Variants in FNBP1 observed in about 807,000 individuals in gnomAD.
FNBP1 encodes the protein formin binding protein 1.
In FNBP1, 26 loss-of-function variants were observed where a neutral mutation model predicts 90.6. The ratio of observed to expected loss-of-function variants is 0.29; its 90% CI spans 0.21 to 0.40. The LOEUF is 0.40. Among genes scored for constraint, FNBP1 ranks in the 10% least tolerant of loss-of-function variants. The pLI is 1.00. For synonymous variants in FNBP1, 260 were observed against 265.2 expected, an observed-to-expected ratio of 0.98 and a Z score of 0.19; for missense variants, 635 against 768.0, an observed-to-expected ratio of 0.83 and a Z score of 2.05.
At position 129,940,455 on chromosome 9, in the gene FNBP1, AC is replaced by A. The variant is rs143368170; in HGVS notation, c.514-10761del. Among the ~76,000 whole-genome samples, 631 of 152,292 alleles carry A rather than the reference AC, an allele frequency of 4.1e-3. 5 individuals are homozygous for A. Among genetic ancestry groups the A allele is most frequent in the African/African-American group, 0.015 (614 of 41,544 alleles). On this transcript the variant is annotated intron_variant, in intron 6 of 16. Transcript: ENST00000446176. Reference sequence around the variant, plus strand: ...ACTTCATGAAGTAGCTGACAAAGTTACATCATATGTAATATATAGGAAATGA... The same window carrying A: ...ACTTCATGAAGTAGCTGACAAAGTTAATCATATGTAATATATAGGAAATGA...
At chr9:129,941,217 T>A (rs2044277250) in intron 6 of FNBP1, among the ~76,000 whole-genome samples, 1 of 151,542 alleles carries the variant, frequency 6.6e-6, no homozygotes, top group Non-Finnish European at 1.5e-5. Context: ...GGTGAAACCC[T>A]GCTTCTACTA....
rs2035413759 is a variant in FNBP1 at position 129,894,134 on chromosome 9, T to TG, written c.1846+1703dup. Among the ~76,000 whole-genome samples, 3 of 151,882 alleles carry TG rather than the reference T, an allele frequency of 2.0e-5. No individual in the cohort carries two copies. The South Asian group carries it at 6.2e-4, about 32-fold the overall frequency. On this transcript the variant is annotated intron_variant, in intron 16 of 16. Transcript: ENST00000446176. ...GGCAGGCAGGGGCTAATTTCCTACT[T>TG]GAAAGTAGGAAGGACACAAGGAAAT...
intron 3 of FNBP1, 144 bp from the exon 4 acceptor site, chr9:129,978,756 T>G (rs2050736525): frequency 2.6e-6 from 2 of 771,818 alleles, no homozygotes; most frequent in Non-Finnish European, 4.0e-6. Context: ...ACACATCAAG[T>G]GTTCTCAACA....
chr9:129,974,571 A>G (rs2050013359), intron 4 of FNBP1, among the ~76,000 whole-genome samples: 1 of 152,242 alleles, frequency 6.6e-6, no homozygotes, highest in South Asian at 2.1e-4. Flanking sequence ...AGAGAAAAGA[A>G]AAAACAGGCC....
intron 1 of FNBP1, among the ~76,000 whole-genome samples, chr9:130,017,218 A>C (rs1248537341): frequency 6.6e-6 from 1 of 152,232 alleles, no homozygotes; most frequent in Non-Finnish European, 1.5e-5. Context: ...TCTCTAGTAC[A>C]TGGCTGCCTT....
rs1414038321 is a variant in FNBP1 at position 129,889,303 on chromosome 9, C to G, written c.*1236G>C. 2 of 184,906 alleles carry G rather than the reference C, an allele frequency of 1.1e-5. No homozygotes were observed. 11.5% of individuals were successfully genotyped at this position (184,906 alleles called of 1,614,324 possible). A position where few individuals can be genotyped will look rare whatever the true frequency, so the allele number is the denominator to read the frequency against. ...TGCTAACCTCGGCGGGGTGCGGTAG[C>G]TCACACCTGTAATCTCAGCACTTTG... On this transcript the variant is annotated 3_prime_UTR_variant, in exon 17 of 17. Transcript: ENST00000446176.
intron 1 of FNBP1, among the ~76,000 whole-genome samples, chr9:130,026,222 CG>C (rs1468143423): frequency 2.0e-5 from 3 of 151,930 alleles, no homozygotes; most frequent in African/African-American, 7.3e-5. Context: ...TGGCCAGGCA[CG>C]GTGGCTCATA....
intron 4 of FNBP1, among the ~76,000 whole-genome samples, chr9:129,967,700 T>A (rs1451583232): frequency 1.3e-5 from 2 of 152,126 alleles, no homozygotes; most frequent in Non-Finnish European, 2.9e-5. Flanking sequence ...AGATACGAAA[T>A]GTGAGTCAAG....
chr9:129,895,966 T>G lies in FNBP1; in HGVS notation c.1718A>C (p.Glu573Ala), dbSNP rs777926723. 6.2e-7 allele frequency: 1 copy of G among 1,610,068 alleles called. No individual in the cohort carries two copies. Among genetic ancestry groups the G allele is most frequent in the Non-Finnish European group, 8.5e-7 (1 of 1,178,794 alleles). ...GQNEGTISVV[E>A]GETLYVIEED... The stretch of plus-strand genomic sequence containing the variant: ...CTCTATGACATACAATGTTTCTCCT[T>G]CAACTACGGAAATCGTTCCTTCATT... The change falls in exon 16 of 17, where the codon GAA becomes GCA. Residue 573 changes from glutamate to alanine, a missense_variant. Physicochemically the swap from Glu to Ala is moderately radical, Grantham distance 107. Transcript: ENST00000446176.
chr9:130,039,390 T>A (rs2059625863), intron 1 of FNBP1, among the ~76,000 whole-genome samples: 1 of 152,186 alleles, frequency 6.6e-6, no homozygotes. Flanking sequence ...AATGGCCATG[T>A]AAGCCTGGGC....
chr9:129,995,640 C>G (rs1047926130), intron 1 of FNBP1, among the ~76,000 whole-genome samples: 5 of 152,114 alleles, frequency 3.3e-5, no homozygotes, highest in African/African-American at 9.7e-5. Flanking sequence ...CCACTGCACT[C>G]CAGCCTGGGT....
intron 1 of FNBP1, among the ~76,000 whole-genome samples, chr9:130,018,666 C>T (rs1033463675): frequency 6.6e-6 from 1 of 152,070 alleles, no homozygotes; most frequent in African/African-American, 2.4e-5. Flanking sequence ...TGGTCTCGAA[C>T]TCCTGACCTC....
At position 129,908,973 on chromosome 9, in the gene FNBP1, G is replaced by A; in HGVS notation, c.1212C>T (p.Asn404=). 1 of 1,613,630 alleles carries A rather than the reference G, an allele frequency of 6.2e-7. No individual in the cohort carries two copies. The highest frequency in any genetic ancestry group is 1.3e-5 in the African/African-American group (1 of 75,008). Reference sequence around the variant, plus strand: ...TTTTCCTTCTTTGTTCAGGTGGGAGGTTGCTGAAATCCTCCGGTGTTGCAC... The same window carrying A: ...TTTTCCTTCTTTGTTCAGGTGGGAGATTGCTGAAATCCTCCGGTGTTGCAC... ...KLGATPEDFS[N]LPPEQRRKKL... is the part of the protein sequence containing the mutation. The change falls in exon 12 of 17, where the codon AAC becomes AAT. Residue 404 remains asparagine (N), a synonymous_variant. Transcript: ENST00000446176.
intron 1 of FNBP1, among the ~76,000 whole-genome samples, chr9:130,035,365 T>G (rs1199069973): frequency 6.6e-6 from 1 of 152,176 alleles, no homozygotes; most frequent in Admixed American, 6.5e-5. Context: ...AGAGGATTCT[T>G]GTGTCTGCTC....
chr9:130,016,510 G>A (rs1424851651), intron 1 of FNBP1, among the ~76,000 whole-genome samples: 3 of 152,178 alleles, frequency 2.0e-5, no homozygotes, highest in African/African-American at 4.8e-5. Flanking sequence ...TTGGGAGGCC[G>A]AGGCTGGCGG....
At chr9:129,909,931 GAA>G (rs2038929784) in intron 11 of FNBP1, among the ~76,000 whole-genome samples, 1 of 152,206 alleles carries the variant, frequency 6.6e-6, no homozygotes, top group African/African-American at 2.4e-5. Context: ...AGTTCAGAGA[GAA>G]TGCCCTCCCT....
chr9:129,932,063 T>C (rs2042834931), intron 6 of FNBP1, among the ~76,000 whole-genome samples: 1 of 151,114 alleles, frequency 6.6e-6, no homozygotes, highest in African/African-American at 2.4e-5. Context: ...ATACAAAAAT[T>C]AGATGGGCGT....
At chr9:129,961,806 G>A (rs1050966466) in intron 4 of FNBP1, among the ~76,000 whole-genome samples, 1 of 152,136 alleles carries the variant, frequency 6.6e-6, no homozygotes, top group South Asian at 2.1e-4. Context: ...GGCTGGTCTC[G>A]AACTCCCGGC....
At chr9:130,014,926 T>C (rs2057065751) in intron 1 of FNBP1, among the ~76,000 whole-genome samples, 2 of 151,236 alleles carry the variant, frequency 1.3e-5, no homozygotes, top group Non-Finnish European at 2.9e-5. Flanking sequence ...CAACTATGGA[T>C]TGATGATTGA....
Sources: allele counts gnomAD v4.1 joint callset (sites outside exome capture counted in the v4.1 genomes callset), GRCh38; gene constraint gnomAD v4.1.1; transcripts MANE v1.5; gene names NCBI Gene and HGNC (gene_info 2026-07-23, HGNC 2026-07-21).